Variants in FBXL18 observed in about 807,000 individuals in gnomAD.
FBXL18 encodes F-box and leucine rich repeat protein 18, also known as F-box/LRR-repeat protein 18.
FBXL18 carries 36 observed loss-of-function variants against 46.0 expected under a neutral mutation model. The observed-to-expected ratio is 0.78, with a 90% CI of 0.60 to 1.03. The LOEUF is 1.03. FBXL18 is among the 50% of genes least tolerant of loss of function. The probability of loss-of-function intolerance (pLI) is 0.00; values close to 1 mark genes in which losing one functional copy is unlikely to be tolerated. For missense variants in FBXL18, 977 were observed against 1,004.1 expected, an observed-to-expected ratio of 0.97 and a Z score of 0.36; for synonymous variants, 557 against 465.3, an observed-to-expected ratio of 1.20 and a Z score of -2.54.
intron 1 of FBXL18, among the ~76,000 whole-genome samples, chr7:5,512,052 G>A (rs575479597): frequency 4.7e-4 from 70 of 149,158 alleles, no homozygotes; most frequent in Non-Finnish European, 7.1e-4. Context: ...TGGCTAACAC[G>A]GTGAAACCCC....
rs36071919 is a variant in FBXL18, at chr7:5,455,763, AACAC to A, written c.2001-7924_2001-7921del. On this transcript the variant is annotated intron_variant and NMD_transcript_variant, in intron 4 of 6. Coordinates refer to the FBXL18 transcript ENST00000415009. The surrounding 1 kb of genome is among the most constrained non-coding windows in gnomAD (Gnocchi z 4.6). ...CCCCCACCCCCACTACACACACACA[AACAC>A]ACACACACACACACACACACCACTT... Among the ~76,000 whole-genome samples the A allele has an allele frequency of 0.14, 20,141 of 142,594 alleles. 1,498 individuals are homozygous for A. The highest frequency in any genetic ancestry group is 0.26 in the South Asian group (1,137 of 4,366). 93.5% of individuals were successfully genotyped at this position (142,594 alleles called of 152,430 possible). A position where few individuals can be genotyped will look rare whatever the true frequency, so the allele number is the denominator to read the frequency against.
Position 5,500,882 on chromosome 7 carries a change from AGGGGCT to A in FBXL18, c.1381_1386del (p.Ser461_Pro462del), listed in dbSNP as rs1217232993. 2 of 1,596,954 alleles carry A rather than the reference AGGGGCT, an allele frequency of 1.3e-6. No homozygotes were observed. Among genetic ancestry groups the A allele is most frequent in the Admixed American group, 3.4e-5 (2 of 58,870 alleles). ...GGCTGGGGGCACGCCTGGCCCGAGA[AGGGGCT>A]GGGACAGGACTGCACGCCCACACGC... On this transcript the variant is annotated inframe_deletion, in exon 3 of 5. Transcript: ENST00000382368.
In FBXL18 at chr7:5,455,919, G is replaced by A. The variant is rs370261721; in HGVS notation, c.2001-8076C>T. Among the ~76,000 whole-genome samples, 1 of 152,086 alleles carries A rather than the reference G, an allele frequency of 6.6e-6. No homozygotes were observed. Among genetic ancestry groups the A allele is most frequent in the Admixed American group, 6.6e-5 (1 of 15,258 alleles). ...CGGGACTCTCTCATGGGCCGTGCTGGCTCCAGCATCGCAGTCTAACAGCTC... is the reference window on the plus strand; with the variant it reads ...CGGGACTCTCTCATGGGCCGTGCTGACTCCAGCATCGCAGTCTAACAGCTC... On this transcript the variant is annotated intron_variant and NMD_transcript_variant, in intron 4 of 6. Transcript: ENST00000415009. This position sits in a 1 kb window ranked among gnomAD's most constrained non-coding sequence, Gnocchi z 4.6.
chr7:5,454,798 C>T (rs962102642), intron 4 of FBXL18, among the ~76,000 whole-genome samples: 9 of 152,162 alleles, frequency 5.9e-5, no homozygotes, highest in Admixed American at 3.3e-4. Flanking sequence ...TGGGGACTCA[C>T]GGAGGAGAAG....
chr7:5,468,053 G>A (rs1230191390), intron 4 of FBXL18, among the ~76,000 whole-genome samples: 4 of 151,532 alleles, frequency 2.6e-5, no homozygotes, highest in African/African-American at 9.7e-5. Context: ...CACGATCTCG[G>A]CTCACTGCAA....
At chr7:5,497,090 A>T (rs1164808729) in intron 3 of FBXL18, among the ~76,000 whole-genome samples, 1 of 149,186 alleles carries the variant, frequency 6.7e-6, no homozygotes, top group Admixed American at 6.7e-5. Flanking sequence ...AGTCCCAGCT[A>T]CTCGGGAGGC....
At position 5,455,259 on chromosome 7, in the gene FBXL18, T is replaced by G. The variant is rs1253236158; in HGVS notation, c.2001-7416A>C. Among the ~76,000 whole-genome samples, 3 of 151,806 alleles carry G rather than the reference T, an allele frequency of 2.0e-5. No homozygotes were observed. Among genetic ancestry groups the G allele is most frequent in the Admixed American group, 1.3e-4 (2 of 15,228 alleles). On this transcript the variant is annotated intron_variant and NMD_transcript_variant, in intron 4 of 6. Coordinates refer to the FBXL18 transcript ENST00000415009. The surrounding 1 kb of genome is among the most constrained non-coding windows in gnomAD (Gnocchi z 4.6). Reference sequence around the variant, plus strand: ...GAGCACTCTTGGGGGGGAACATATCTGGGGAGCAGTATCGGGAGCACCTGC... The same window carrying G: ...GAGCACTCTTGGGGGGGAACATATCGGGGGAGCAGTATCGGGAGCACCTGC...
At chr7:5,493,810 T>C (rs1783998581) in intron 3 of FBXL18, among the ~76,000 whole-genome samples, 1 of 151,864 alleles carries the variant, frequency 6.6e-6, no homozygotes, top group South Asian at 2.1e-4. Flanking sequence ...CCACCATGCC[T>C]GGTAGTTAAT....
rs182831172 is a variant in FBXL18, at chr7:5,464,120, C to T, written c.2001-16277G>A. 3.1e-3 allele frequency among the ~76,000 whole-genome samples: 465 copies of T among 152,176 alleles called. 1 individual carries two copies. The highest frequency in any genetic ancestry group is 9.7e-3 in the African/African-American group (403 of 41,546). On this transcript the variant is annotated intron_variant and NMD_transcript_variant, in intron 4 of 6. Transcript: ENST00000415009. ...GAGCACTTTGGGAGGCCAAGGTGGGCGGATCACGAGGCCAGGAGTTCAAGA... is the reference window on the plus strand; with the variant it reads ...GAGCACTTTGGGAGGCCAAGGTGGGTGGATCACGAGGCCAGGAGTTCAAGA...
chr7:5,489,990 A>T (rs1783876083), intron 4 of FBXL18: 5 of 1,284,214 alleles, frequency 3.9e-6, no homozygotes, highest in Non-Finnish European at 5.1e-6. Flanking sequence ...CTAAATTTTT[A>T]AAAAGTACTC....
At chr7:5,482,500 C>G (rs1046396723) in intron 4 of FBXL18, among the ~76,000 whole-genome samples, 1 of 151,166 alleles carries the variant, frequency 6.6e-6, no homozygotes, top group Non-Finnish European at 1.5e-5. Context: ...GGCGACCCCC[C>G]CCCAATGCCC....
intron 4 of FBXL18, among the ~76,000 whole-genome samples, chr7:5,463,726 TTA>T (rs1562672277): frequency 1.8e-4 from 11 of 59,830 alleles, no homozygotes; most frequent in African/African-American, 4.4e-4. Context: ...ATTTATTTAT[TTA>T]TTTTTTTTTT....
chr7:5,500,348 A>G, intron 3 of FBXL18, 140 bp downstream of exon 3: 1 of 726,962 alleles, frequency 1.4e-6, no homozygotes, highest in Non-Finnish European at 2.2e-6. Context: ...GAGCCCCGAG[A>G]CCGACGTGGC....
intron 4 of FBXL18, chr7:5,489,769 ACT>A: frequency 3.4e-6 from 1 of 296,748 alleles, no homozygotes; most frequent in Non-Finnish European, 6.8e-6. Flanking sequence ...ACAGAGCGAG[ACT>A]CTGTCTCAAA....
At chr7:5,506,964 A>C (rs1457592069) in intron 1 of FBXL18, among the ~76,000 whole-genome samples, 1 of 152,136 alleles carries the variant, frequency 6.6e-6, no homozygotes, top group Non-Finnish European at 1.5e-5. Context: ...ATGAAGAGGG[A>C]GAAGAGCTGG....
Position 5,501,113 on chromosome 7 carries a change from G to T in FBXL18, c.1156C>A (p.Arg386Ser). The T allele has an allele frequency of 6.2e-7, 1 of 1,612,618 alleles. No homozygotes were observed. Among genetic ancestry groups the T allele is most frequent in the Non-Finnish European group, 8.5e-7 (1 of 1,179,772 alleles). ...ETLVASCCNL[R>S]HLNLSAAHHH... ...TGGGCGGCCGAGAGGTTCAGGTGGC[G>T]CAGGTTGCAGCAGGACGCCACCAGA... The change falls in exon 3 of 5, where the codon CGC (arginine) becomes AGC (serine). Residue 386 changes from arginine to serine, a missense_variant. Arg to Ser is a moderately radical substitution (Grantham distance 110, BLOSUM62 -1). Transcript: ENST00000382368.
rs969405823 is a variant in FBXL18, at chr7:5,496,543, G to C, written c.1781+3945C>G. On this transcript the variant is annotated intron_variant, in intron 3 of 4. Transcript: ENST00000382368. This position sits in a 1 kb window ranked among gnomAD's most constrained non-coding sequence, Gnocchi z 4.8. Reference sequence around the variant, plus strand: ...CTCTCCCAGGCCAGACCTCAGCCTGGACTCAGGGCTTGGCTTAGGCCCATC... The same window carrying C: ...CTCTCCCAGGCCAGACCTCAGCCTGCACTCAGGGCTTGGCTTAGGCCCATC... Among the ~76,000 whole-genome samples the C allele has an allele frequency of 1.3e-5, 2 of 152,182 alleles. No individual in the cohort carries two copies. Among genetic ancestry groups the C allele is most frequent in the African/African-American group, 2.4e-5 (1 of 41,444 alleles).
At chr7:5,472,578 A>G (rs544077394), downstream of FBXL18, among the ~76,000 whole-genome samples, 1 of 152,070 alleles carries the variant, frequency 6.6e-6, no homozygotes, top group East Asian at 1.9e-4. Context: ...CCACGTGACA[A>G]GGCCACATGG....
Position 5,455,566 on chromosome 7 carries a change from G to A in FBXL18, c.2001-7723C>T, listed in dbSNP as rs188394450. Among the ~76,000 whole-genome samples the A allele has an allele frequency of 3.2e-4, 48 of 152,154 alleles. No homozygotes were observed. In the Middle Eastern group the frequency reaches 0.01, roughly 32 times the overall value. On this transcript the variant is annotated intron_variant and NMD_transcript_variant, in intron 4 of 6. Coordinates refer to the FBXL18 transcript ENST00000415009. This position sits in a 1 kb window ranked among gnomAD's most constrained non-coding sequence, Gnocchi z 4.6. ...CCCCACAGGACAGTGCCATCCCCTC[G>A]GTGGGAATGGGCTCCTATTATGGGT...
Sources: gnomAD v4.1 joint callset for allele counts (sites outside exome capture counted in the v4.1 genomes callset) on GRCh38, gnomAD v4.1.1 for gene constraint, Gnocchi (gnomAD v3.1) non-coding constraint, MANE v1.5 for transcripts, NCBI Gene and HGNC (gene_info 2026-07-23, HGNC 2026-07-21) for gene names.